GALNTL6: variants seen among roughly 807,000 people sequenced by gnomAD.
GALNTL6 encodes the protein polypeptide N-acetylgalactosaminyltransferase-like 6.
GALNTL6 carries 46 observed loss-of-function variants against 73.7 expected under a neutral mutation model. The ratio of observed to expected loss-of-function variants is 0.62; its 90% CI spans 0.49 to 0.80. GALNTL6 has a LOEUF of 0.80. Ranked by LOEUF, GALNTL6 falls within the 30% of genes least tolerant of loss-of-function variation. The pLI, the probability that GALNTL6 is intolerant of heterozygous loss-of-function variation, is 0.00. For synonymous variants in GALNTL6, 259 were observed against 263.7 expected, an observed-to-expected ratio of 0.98 and a Z score of 0.17; for missense variants, 604 against 755.0, an observed-to-expected ratio of 0.80 and a Z score of 2.34.
At chr4:173,016,063 A>C (rs1752771022) in intron 11 of GALNTL6, among the ~76,000 whole-genome samples, 1 of 152,216 alleles carries the variant, frequency 6.6e-6, no homozygotes, top group Non-Finnish European at 1.5e-5. Context: ...AGCACCTTCC[A>C]TGTAGTGTTG....
intron 5 of GALNTL6, among the ~76,000 whole-genome samples, chr4:172,500,681 T>C (rs909372604): frequency 6.6e-6 from 1 of 152,148 alleles, no homozygotes; most frequent in African/African-American, 2.4e-5. Context: ...GGAAGTTTTT[T>C]TTTTTGTTTT....
chr4:171,850,565 C>T, intron 2 of GALNTL6, among the ~76,000 whole-genome samples: 1 of 67,172 alleles, frequency 1.5e-5, no homozygotes, highest in East Asian at 5.3e-4. Context: ...GAACCTAGTT[C>T]ATTTTGTTAA....
At chr4:172,577,050 G>T (rs913875122) in intron 5 of GALNTL6, among the ~76,000 whole-genome samples, 3 of 152,126 alleles carry the variant, frequency 2.0e-5, no homozygotes, top group Non-Finnish European at 4.4e-5. Flanking sequence ...TGGAAAGAAG[G>T]ACAGAACCAG....
intron 8 of GALNTL6, among the ~76,000 whole-genome samples, chr4:172,900,411 T>C (rs1824346): frequency 1 from 152,287 of 152,302 alleles, 76,136 homozygotes; most frequent in Middle Eastern, 1. Context: ...ACACCATTCT[T>C]AAGTTCACTG....
At position 171,953,914 on chromosome 4, in the gene GALNTL6, A is replaced by T. The variant is rs184518471; in HGVS notation, c.138+139196A>T. ...TGGTGAGGAATACATTTTAAAAGTC[A>T]TTACAATGGAAAAATTTAAACAAAT... On this transcript the variant is annotated intron_variant, in intron 2 of 12. Coordinates refer to ENST00000506823, the MANE Select transcript of GALNTL6 (RefSeq NM_001034845.3). Among the ~76,000 whole-genome samples the T allele has an allele frequency of 7.7e-4, 118 of 152,266 alleles. 1 individual carries two copies. The highest frequency in any genetic ancestry group is 1.6e-3 in the Admixed American group (25 of 15,288).
chr4:172,729,548 G>A (rs1047942454), intron 5 of GALNTL6, among the ~76,000 whole-genome samples: 1 of 152,096 alleles, frequency 6.6e-6, no homozygotes, highest in African/African-American at 2.4e-5. Flanking sequence ...GGCTGTAAGT[G>A]CATGGATTTA....
intron 5 of GALNTL6, among the ~76,000 whole-genome samples, chr4:172,807,098 A>G (rs1343007228): frequency 1.3e-5 from 2 of 152,152 alleles, no homozygotes; most frequent in East Asian, 3.9e-4. Context: ...GAGTAAAGCT[A>G]CAGTCTTACA....
chr4:172,011,639 T>A (rs1244318388), intron 2 of GALNTL6, among the ~76,000 whole-genome samples: 1 of 152,034 alleles, frequency 6.6e-6, no homozygotes, highest in Non-Finnish European at 1.5e-5. Context: ...TAAAATCACT[T>A]TCCTATATTA....
At chr4:172,047,265 T>G (rs1281841599) in intron 2 of GALNTL6, among the ~76,000 whole-genome samples, 1 of 152,156 alleles carries the variant, frequency 6.6e-6, no homozygotes, top group Non-Finnish European at 1.5e-5. Flanking sequence ...TCAGTTTTAC[T>G]TTCTATTAGT....
intron 5 of GALNTL6, among the ~76,000 whole-genome samples, chr4:172,606,800 G>A (rs1738322537): frequency 6.6e-6 from 1 of 150,438 alleles, no homozygotes; most frequent in Admixed American, 6.7e-5. Flanking sequence ...GCTGATGGGA[G>A]AGGAGTATCG....
At chr4:171,844,575 T>C (rs1158924169) in intron 2 of GALNTL6, among the ~76,000 whole-genome samples, 1 of 152,144 alleles carries the variant, frequency 6.6e-6, no homozygotes, top group Non-Finnish European at 1.5e-5. Flanking sequence ...AGGCTAATAT[T>C]ATCAGACAGT....
At chr4:171,989,818 C>A (rs1348650858) in intron 2 of GALNTL6, among the ~76,000 whole-genome samples, 1 of 152,120 alleles carries the variant, frequency 6.6e-6, no homozygotes, top group Non-Finnish European at 1.5e-5. Context: ...GGCTGTAAAG[C>A]ATCTCAGGGT....
At chr4:171,989,057 T>C (rs1171667616) in intron 2 of GALNTL6, among the ~76,000 whole-genome samples, 2 of 151,960 alleles carry the variant, frequency 1.3e-5, no homozygotes, top group Non-Finnish European at 2.9e-5. Flanking sequence ...TAAAAGAGTA[T>C]TGTCTAAGTT....
chr4:171,909,504 T>C (rs1737408709), intron 2 of GALNTL6, among the ~76,000 whole-genome samples: 1 of 152,204 alleles, frequency 6.6e-6, no homozygotes, highest in Admixed American at 6.5e-5. Context: ...GCTTAGTTGC[T>C]AAGCTCTTGC....
At chr4:172,884,750 T>C (rs1745633953) in intron 8 of GALNTL6, among the ~76,000 whole-genome samples, 1 of 152,226 alleles carries the variant, frequency 6.6e-6, no homozygotes, top group Non-Finnish European at 1.5e-5. Flanking sequence ...TTCATAGTTT[T>C]GGGTCACATA....
chr4:172,655,165 T>TTAA (rs1054743434), intron 5 of GALNTL6, among the ~76,000 whole-genome samples: 2 of 152,226 alleles, frequency 1.3e-5, no homozygotes, highest in Non-Finnish European at 2.9e-5. Flanking sequence ...TTTATTTCTT[T>TTAA]TAATACTACC....
intron 2 of GALNTL6, among the ~76,000 whole-genome samples, chr4:172,135,487 T>G (rs987543433): frequency 7.2e-5 from 11 of 151,956 alleles, no homozygotes; most frequent in Non-Finnish European, 1.6e-4. Flanking sequence ...CAATAACAAA[T>G]TCTCCTCTAC....
chr4:171,942,680 T>G (rs1454386341), intron 2 of GALNTL6, among the ~76,000 whole-genome samples: 1 of 152,216 alleles, frequency 6.6e-6, no homozygotes, highest in Non-Finnish European at 1.5e-5. Flanking sequence ...CAATACAGAT[T>G]GCACCTAAGA....
At chr4:172,118,740 A>G (rs1733058988) in intron 2 of GALNTL6, among the ~76,000 whole-genome samples, 1 of 151,828 alleles carries the variant, frequency 6.6e-6, no homozygotes, top group South Asian at 2.1e-4. Flanking sequence ...ACAAACAAAC[A>G]AAAAACAAAA....
Sources: gnomAD v4.1 joint callset for allele counts (sites outside exome capture counted in the v4.1 genomes callset) on GRCh38, gnomAD v4.1.1 for gene constraint, MANE v1.5 for transcripts, NCBI Gene and HGNC (gene_info 2026-07-23, HGNC 2026-07-21) for gene names.